The following MGAT5B variants were observed in gnomAD, a reference collection of about 807,000 sequenced individuals.
MGAT5B encodes the protein N-acetylglucosaminyl-transferase Vb.
A neutral mutation model predicts 95.1 loss-of-function variants in MGAT5B; 54 were observed. The observed-to-expected ratio is 0.57, with a 90% CI of 0.46 to 0.71. MGAT5B has a LOEUF of 0.71. Among genes scored for constraint, MGAT5B ranks in the 30% least tolerant of loss-of-function variants. MGAT5B has a pLI of 0.00. For missense variants in MGAT5B, 935 were observed against 1,088.6 expected, an observed-to-expected ratio of 0.86 and a Z score of 1.99; for synonymous variants, 464 against 451.0, an observed-to-expected ratio of 1.03 and a Z score of -0.36.
chr17:76,943,041 C>CCCT (rs879475315), intron 15 of MGAT5B, among the ~76,000 whole-genome samples: 106 of 150,024 alleles, frequency 7.1e-4, no homozygotes, highest in Non-Finnish European at 1.3e-3. Flanking sequence ...CTTGCCCCCC[C>CCCT]GGGAGGCCCA....
At chr17:76,895,346 TAC>T (rs1567798631) in intron 3 of MGAT5B, among the ~76,000 whole-genome samples, 1 of 152,098 alleles carries the variant, frequency 6.6e-6, no homozygotes, top group Non-Finnish European at 1.5e-5. Context: ...AAATAAAATG[TAC>T]AGTCAATGTA....
At position 76,936,422 on chromosome 17, in the gene MGAT5B, A is replaced by G. The variant is rs77995969; in HGVS notation, c.1429-1566A>G. Among the ~76,000 whole-genome samples, 582 of 152,298 alleles carry G rather than the reference A, an allele frequency of 3.8e-3. 7 individuals are homozygous for G. The highest frequency in any genetic ancestry group is 0.027 in the East Asian group (141 of 5,184). On this transcript the variant is annotated intron_variant, in intron 12 of 17. Transcript: ENST00000569840. ...GACTCTGTCCCAAAAACAAACAAACAAAACAATGTCTTTCAAAGAGAAAAG... is the reference window on the plus strand; with the variant it reads ...GACTCTGTCCCAAAAACAAACAAACGAAACAATGTCTTTCAAAGAGAAAAG...
chr17:76,894,460 G>A (rs1967995487), intron 3 of MGAT5B, among the ~76,000 whole-genome samples: 1 of 152,226 alleles, frequency 6.6e-6, no homozygotes, highest in South Asian at 2.1e-4. Flanking sequence ...CTGTGTAACT[G>A]TCATTATCGT....
In MGAT5B at chr17:76,868,479, G is replaced by A. The variant is rs1966882055; in HGVS notation, c.-551G>A. On this transcript the variant is annotated 5_prime_UTR_variant, in exon 1 of 18. Coordinates refer to ENST00000569840, the MANE Select transcript of MGAT5B (RefSeq NM_001199172.2). The surrounding 1 kb of genome is among the most constrained non-coding windows in gnomAD (Gnocchi z 6.3). Reference sequence around the variant, plus strand: ...GCGCGGGGCCGGACGCCGGACACCAGAGCGCGGGCGGCGGAGCCAGCGGGC... The same window carrying A: ...GCGCGGGGCCGGACGCCGGACACCAAAGCGCGGGCGGCGGAGCCAGCGGGC... 1.3e-5 allele frequency: 2 copies of A among 150,276 alleles called. No individual in the cohort carries two copies. Among genetic ancestry groups the A allele is most frequent in the African/African-American group, 4.9e-5 (2 of 41,160 alleles). 9.3% of individuals were successfully genotyped at this position (150,276 alleles called of 1,614,324 possible).
rs555369751 is a variant in MGAT5B, at chr17:76,888,597, A to G, written c.329+6299A>G. On this transcript the variant is annotated intron_variant, in intron 3 of 17. Transcript: ENST00000569840. Reference sequence around the variant, plus strand: ...TAAATCAGGAGAGGGAGTCAGAATTAAATCTCTTTCCTGAGGTGGCCTGGA... The same window carrying G: ...TAAATCAGGAGAGGGAGTCAGAATTGAATCTCTTTCCTGAGGTGGCCTGGA... 3.3e-5 allele frequency among the ~76,000 whole-genome samples: 5 copies of G among 152,328 alleles called. No homozygotes were observed. The South Asian group carries it at 1.0e-3, about 32-fold the overall frequency.
In MGAT5B at chr17:76,937,968, T is replaced by C; in HGVS notation, c.1429-20T>C. Reference sequence around the variant, plus strand: ...CTGTGGTTTGCATGTGGTTCCCATCTCCTCCTCTTCTTTTTCCAGGGGAAG... The same window carrying C: ...CTGTGGTTTGCATGTGGTTCCCATCCCCTCCTCTTCTTTTTCCAGGGGAAG... On this transcript the variant is annotated intron_variant, in intron 12 of 17. Coordinates refer to ENST00000569840, the MANE Select transcript of MGAT5B (RefSeq NM_001199172.2). The C allele has an allele frequency of 6.2e-7, 1 of 1,610,906 alleles. No homozygotes were observed. The highest frequency in any genetic ancestry group is 8.5e-7 in the Non-Finnish European group (1 of 1,177,224).
intron 12 of MGAT5B, among the ~76,000 whole-genome samples, chr17:76,935,425 T>TA (rs879359841): frequency 0.45 from 68,617 of 151,154 alleles, 16,074 homozygotes; most frequent in Admixed American, 0.5. Flanking sequence ...TAACTTTTTT[T>TA]AAAAGTTATT....
intron 3 of MGAT5B, among the ~76,000 whole-genome samples, chr17:76,900,256 A>G (rs1012637285): frequency 2.0e-5 from 3 of 152,220 alleles, no homozygotes; most frequent in African/African-American, 7.2e-5. Context: ...CTTTTTGAGC[A>G]AATGAAGCAG....
intron 15 of MGAT5B, among the ~76,000 whole-genome samples, chr17:76,944,567 C>T (rs1969976429): frequency 6.6e-6 from 1 of 152,120 alleles, no homozygotes; most frequent in African/African-American, 2.4e-5. Context: ...GAGAGCAGGT[C>T]GGGACAGGGC....
In MGAT5B at chr17:76,916,337, A is replaced by G. The variant is rs1267284468; in HGVS notation, c.1026-8629A>G. Among the ~76,000 whole-genome samples, 1 of 152,252 alleles carries G rather than the reference A, an allele frequency of 6.6e-6. No homozygotes were observed. The highest frequency in any genetic ancestry group is 1.5e-5 in the Non-Finnish European group (1 of 68,042). On this transcript the variant is annotated intron_variant, in intron 8 of 17. Coordinates refer to ENST00000569840, the MANE Select transcript of MGAT5B (RefSeq NM_001199172.2). This position sits in a 1 kb window ranked among gnomAD's most constrained non-coding sequence, Gnocchi z 5.3. ...CCCCGGCCAAGTCTGAACATTGACC[A>G]ATAAGCAAGACCGATGGAGGCCGTG...
At chr17:76,903,528 C>T in intron 5 of MGAT5B, 152 bp downstream of exon 5, 1 of 518,222 alleles carries the variant, frequency 1.9e-6, no homozygotes, top group Non-Finnish European at 3.4e-6. Flanking sequence ...ATCCAAATCC[C>T]CCAGAAAGAG....
chr17:76,872,690 G>C, intron 1 of MGAT5B, 161 bp from the exon 2 acceptor site: 1 of 1,534,222 alleles, frequency 6.5e-7, no homozygotes. Context: ...ATAGTGGGGG[G>C]GCCCTCCTGG....
chr17:76,901,096 A>G (rs1968299302), intron 3 of MGAT5B, among the ~76,000 whole-genome samples: 1 of 152,112 alleles, frequency 6.6e-6, no homozygotes, highest in African/African-American at 2.4e-5. Context: ...CCCGATGTGT[A>G]TGGGGCCACT....
Position 76,897,660 on chromosome 17 carries a change from ACTTTCTTTCTTT to A in MGAT5B, c.330-4838_330-4827del, listed in dbSNP as rs772516557. 5.7e-3 allele frequency among the ~76,000 whole-genome samples: 392 copies of A among 69,338 alleles called. 3 individuals are homozygous for A. The highest frequency in any genetic ancestry group is 6.9e-3 in the Non-Finnish European group (268 of 38,908). 45.5% of individuals were successfully genotyped at this position (69,338 alleles called of 152,430 possible). On this transcript the variant is annotated intron_variant, in intron 3 of 17. Coordinates refer to ENST00000569840, the MANE Select transcript of MGAT5B (RefSeq NM_001199172.2). ...AAAGACCCTATTCCCAAGTAAGGCC[ACTTTCTTTCTTT>A]CTTTCTTTCTTTCTTTCTTTCTTTC... is the stretch of plus-strand genomic sequence containing the variant.
Position 76,872,873 on chromosome 17 carries a change from T to G in MGAT5B, c.91T>G (p.Phe31Val), listed in dbSNP as rs1157957995. The G allele has an allele frequency of 1.9e-6, 3 of 1,614,226 alleles. No individual in the cohort carries two copies. The highest frequency in any genetic ancestry group is 1.1e-5 in the South Asian group (1 of 91,082). ...PFRLFVLGIG[F>V]FTLCFLMTSL... is the part of the protein sequence containing the mutation. ...CAGGCTTTTTGTCCTGGGCATCGGC[T>G]TCTTCACTCTCTGCTTCCTGATGAC... Residue 31 changes from phenylalanine to valine, a missense_variant, in exon 2 of 18, where the codon TTC becomes GTC. Coordinates refer to ENST00000569840, the MANE Select transcript of MGAT5B (RefSeq NM_001199172.2).
intron 8 of MGAT5B, chr17:76,923,885 T>G (rs902031235): frequency 1.2e-4 from 18 of 152,174 alleles, no homozygotes; most frequent in African/African-American, 4.3e-4. Flanking sequence ...CCGGGCGTCC[T>G]CCTCTGGTGG....
chr17:76,890,792 C>T (rs748053432), intron 3 of MGAT5B, among the ~76,000 whole-genome samples: 18 of 151,972 alleles, frequency 1.2e-4, no homozygotes, highest in Non-Finnish European at 5.9e-5. Flanking sequence ...TGTGAGTCAC[C>T]GTGCCCGGCC....
chr17:76,928,690 G>A (rs11655460), intron 10 of MGAT5B, among the ~76,000 whole-genome samples: 34,701 of 151,498 alleles, frequency 0.23, 4,291 homozygotes, highest in Admixed American at 0.3. Flanking sequence ...GGGCAACAGA[G>A]CAAGATTCTG....
rs771076931 is a variant in MGAT5B, at chr17:76,924,976, G to A, written c.1036G>A (p.Val346Ile). The A allele has an allele frequency of 1.2e-6, 2 of 1,612,054 alleles. No homozygotes were observed. Among genetic ancestry groups the A allele is most frequent in the South Asian group, 1.1e-5 (1 of 91,054 alleles). ...SLKELQSNLG[V>I]PPGRGSCPLT... ...GGGCTCTTCTCTCAGTAACTTAGGG[G>A]TACCGCCAGGCCGGGGAAGCTGCCC... The change falls in exon 9 of 18, where the codon GTA (valine) becomes ATA (isoleucine). Residue 346 changes from valine (V) to isoleucine (I), a missense_variant. Val to Ile is a conservative substitution (Grantham distance 29, BLOSUM62 3). Transcript: ENST00000569840.
Sources: allele counts gnomAD v4.1 joint callset (sites outside exome capture counted in the v4.1 genomes callset), GRCh38; gene constraint gnomAD v4.1.1; non-coding constraint Gnocchi (gnomAD v3.1); transcripts MANE v1.5; gene names NCBI Gene and HGNC (gene_info 2026-07-23, HGNC 2026-07-21).